Variants in MBTD1 observed in about 807,000 individuals in gnomAD.
The protein encoded by MBTD1 is MBT domain-containing protein 1.
Under a neutral mutation model 87.8 loss-of-function variants are expected in MBTD1, and 24 were observed. The observed-to-expected ratio is 0.27, with a 90% confidence interval of 0.20 to 0.38. The LOEUF is 0.38. Ranked by LOEUF, MBTD1 falls within the 10% of genes least tolerant of loss-of-function variation. The pLI, the probability that MBTD1 is intolerant of heterozygous loss-of-function variation, is 1.00. For missense variants in MBTD1, 436 were observed against 760.2 expected (o/e 0.57, Z 5.02); for synonymous variants, 237 against 248.6 (o/e 0.95, Z 0.44).
chr17:51,244,264 A>G (rs2054308332), intron 2 of MBTD1, among the ~76,000 whole-genome samples: 2 of 152,070 alleles, frequency 1.3e-5, no homozygotes, highest in Admixed American at 6.6e-5. Flanking sequence ...TCCTGTCATA[A>G]CCCCCTTTTA....
chr17:51,234,689 C>T (rs1004754778), intron 2 of MBTD1, among the ~76,000 whole-genome samples: 4 of 152,198 alleles, frequency 2.6e-5, no homozygotes, highest in African/African-American at 4.8e-5. Context: ...AGACTTTATA[C>T]CAACTTTTCT....
chr17:51,187,528 C>A (rs1273913016), intron 16 of MBTD1, among the ~76,000 whole-genome samples: 2 of 151,948 alleles, frequency 1.3e-5, no homozygotes, highest in South Asian at 2.1e-4. Context: ...TATTGAAGAA[C>A]CAGGCATAGT....
chr17:51,204,304 T>C (rs1019990451), intron 7 of MBTD1, among the ~76,000 whole-genome samples: 2 of 152,048 alleles, frequency 1.3e-5, no homozygotes, highest in African/African-American at 4.8e-5. Flanking sequence ...TTGCCTAGGC[T>C]GGAGTGCAGT....
chr17:51,188,700 G>C (rs763668436), intron 16 of MBTD1, among the ~76,000 whole-genome samples: 9 of 150,566 alleles, frequency 6.0e-5, no homozygotes, highest in Non-Finnish European at 1.2e-4. Flanking sequence ...GAAAACTGCT[G>C]CTTCTTAATA....
intron 6 of MBTD1, among the ~76,000 whole-genome samples, chr17:51,207,409 T>G (rs1465303496): frequency 6.6e-6 from 1 of 152,140 alleles, no homozygotes; most frequent in Non-Finnish European, 1.5e-5. Flanking sequence ...AGAAAAACAA[T>G]TCCAATCAGC....
chr17:51,190,940 G>C (rs2050778390), intron 16 of MBTD1, among the ~76,000 whole-genome samples: 1 of 151,296 alleles, frequency 6.6e-6, no homozygotes, highest in Admixed American at 6.6e-5. Context: ...AACTTAGCTG[G>C]GTGTGTGGCA....
chr17:51,225,809 C>T (rs956575745), intron 2 of MBTD1, among the ~76,000 whole-genome samples: 2 of 150,588 alleles, frequency 1.3e-5, no homozygotes, highest in African/African-American at 4.9e-5. Context: ...GACTCGGTCT[C>T]ACTCTGTTGC....
At chr17:51,213,454 C>A (rs1598349937) in intron 6 of MBTD1, among the ~76,000 whole-genome samples, 1 of 152,066 alleles carries the variant, frequency 6.6e-6, no homozygotes, top group Non-Finnish European at 1.5e-5. Flanking sequence ...TTGCACCTAA[C>A]TGGCATATAA....
At position 51,203,183 on chromosome 17, in the gene MBTD1, C is replaced by T. The variant is rs1050565137; in HGVS notation, c.785G>A (p.Arg262Gln). 3.2e-6 allele frequency: 5 copies of T among 1,582,526 alleles called. No individual in the cohort carries two copies. Among genetic ancestry groups the T allele is most frequent in the Non-Finnish European group, 4.3e-6 (5 of 1,171,688 alleles). The change falls in exon 9 of 17, where the codon CGA (arginine) becomes CAA (glutamine). Residue 262 changes from arginine (R) to glutamine (Q), a missense_variant. Arg to Gln is a conservative substitution (Grantham distance 43). Around this residue, in one of 5 missense-constraint regions of MBTD1, gnomAD observed 268 missense variants for 401.8 expected, o/e 0.67. Coordinates refer to ENST00000586178, the MANE Select transcript of MBTD1 (RefSeq NM_017643.3). ...YTNWKAFLVK[R>Q]LTGAKTLPPD... ...AGGCAGTGTTTTGGCACCAGTAAGT[C>T]GTTTCACTAGAAAAGCTTTCCAGTT...
intron 6 of MBTD1, among the ~76,000 whole-genome samples, chr17:51,215,036 T>A (rs1261373959): frequency 2.0e-5 from 3 of 152,234 alleles, no homozygotes; most frequent in Non-Finnish European, 4.4e-5. Flanking sequence ...ATATGCCAGT[T>A]AAGAGAGCAA....
At chr17:51,260,489 GC>G (rs2055410916), upstream of MBTD1, 3 of 1,368,918 alleles carry the variant, frequency 2.2e-6, no homozygotes, top group Non-Finnish European at 2.0e-6. Flanking sequence ...GCTCCTTCCG[GC>G]CCCCGGGGCT....
intron 6 of MBTD1, chr17:51,209,397 C>T (rs1453433085): frequency 2.1e-6 from 1 of 471,198 alleles, no homozygotes; most frequent in South Asian, 1.5e-5. Context: ...TCCAGGGCCA[C>T]TCGTGAGGGC....
chr17:51,234,795 G>A (rs1237293406), intron 2 of MBTD1, among the ~76,000 whole-genome samples: 1 of 152,200 alleles, frequency 6.6e-6, no homozygotes, highest in African/African-American at 2.4e-5. Context: ...CCAGGTTCAA[G>A]CAATTCTCCT....
rs537609953 is a variant in MBTD1 at position 51,240,838 on chromosome 17, T to C, written c.-48-15629A>G. Among the ~76,000 whole-genome samples the C allele has an allele frequency of 2.2e-4, 33 of 152,326 alleles. No individual in the cohort carries two copies. The South Asian group carries it at 6.6e-3, about 31-fold the overall frequency. ...AATTCTTCTGTATAGATTTCCTCTT[T>C]TAAAAAATAAAAAATTTCCTTGTTT... On this transcript the variant is annotated intron_variant, in intron 2 of 16. Transcript: ENST00000586178.
intron 9 of MBTD1, 38 bp from the exon 10 acceptor site, chr17:51,202,973 A>C: frequency 6.7e-7 from 1 of 1,495,876 alleles, no homozygotes; most frequent in East Asian, 2.3e-5. Flanking sequence ...GAAATTCATG[A>C]CAAAGGTCTA....
chr17:51,249,388 TTTC>T (rs756194959), intron 2 of MBTD1, among the ~76,000 whole-genome samples: 1 of 152,238 alleles, frequency 6.6e-6, no homozygotes, highest in Non-Finnish European at 1.5e-5. Context: ...TAGTTTTTTA[TTTC>T]TTCTTATACT....
chr17:51,259,306 C>G (rs1337853853), intron 1 of MBTD1, 100 bp from the exon 2 acceptor site: 7 of 1,212,994 alleles, frequency 5.8e-6, no homozygotes, highest in Non-Finnish European at 7.2e-6. Flanking sequence ...GAGGCTGCTT[C>G]CCAAACACCA....
chr17:51,181,305 G>A (rs1480350215), intron 16 of MBTD1, among the ~76,000 whole-genome samples: 5 of 152,130 alleles, frequency 3.3e-5, no homozygotes, highest in Non-Finnish European at 2.9e-5. Flanking sequence ...GATGACAGGC[G>A]TGAGCCACCG....
chr17:51,190,114 C>T (rs1322586613), intron 16 of MBTD1, among the ~76,000 whole-genome samples: 1 of 152,168 alleles, frequency 6.6e-6, no homozygotes, highest in Non-Finnish European at 1.5e-5. Context: ...AAGCAAACAT[C>T]AGAAAGGTTA....
Sources: allele counts gnomAD v4.1 joint callset (sites outside exome capture counted in the v4.1 genomes callset), GRCh38; gene constraint gnomAD v4.1.1; regional missense constraint gnomAD v4.1.1; transcripts MANE v1.5; gene names NCBI Gene and HGNC (gene_info 2026-07-23, HGNC 2026-07-21).